TGFB3: variants seen among roughly 807,000 people sequenced by gnomAD.
TGFB3 encodes transforming growth factor beta-3 proprotein.
Under a neutral mutation model 40.1 loss-of-function variants are expected in TGFB3, and 5 were observed. That is an observed-to-expected ratio of 0.12 (90% confidence interval 0.07 to 0.26). The LOEUF (loss-of-function observed/expected upper bound fraction) is 0.26. Ranked by LOEUF, TGFB3 falls within the 10% of genes least tolerant of loss-of-function variation. TGFB3 has a pLI of 1.00. For missense variants in TGFB3, 373 were observed against 530.1 expected, an observed-to-expected ratio of 0.70 and a Z score of 2.91; for synonymous variants, 184 against 205.6, an observed-to-expected ratio of 0.89 and a Z score of 0.90.
chr14:75,979,847 T>G lies in TGFB3; in HGVS notation c.352+695A>C, dbSNP rs1435611580. Among the ~76,000 whole-genome samples, 4 of 152,148 alleles carry G rather than the reference T, an allele frequency of 2.6e-5. No individual in the cohort carries two copies. Among genetic ancestry groups the G allele is most frequent in the Non-Finnish European group, 5.9e-5 (4 of 68,026 alleles). On this transcript the variant is annotated intron_variant, in intron 1 of 6. Coordinates refer to ENST00000238682, the MANE Select transcript of TGFB3 (RefSeq NM_003239.5). This position sits in a 1 kb window ranked among gnomAD's most constrained non-coding sequence, Gnocchi z 4.8. ...CTGGAGGGCGCCCATTTTGAGCACA[T>G]GAATCTGTCTACTGCACAAGACTGC... is the stretch of plus-strand genomic sequence containing the variant.
chr14:75,960,779 A>G, intron 6 of TGFB3, 144 bp downstream of exon 6: 8 of 1,106,354 alleles, frequency 7.2e-6, no homozygotes, highest in Non-Finnish European at 1.0e-5. Context: ...TCAGGGTGCC[A>G]AGATCAGAAC....
rs372522994 is a variant in TGFB3, at chr14:75,960,627, T to C, written c.1080+296A>G. ...ACTTCAGTGTTCCTTGCCAGCCACATGCACATATCTCTGACATAGGGTAAC... is the reference window on the plus strand; with the variant it reads ...ACTTCAGTGTTCCTTGCCAGCCACACGCACATATCTCTGACATAGGGTAAC... On this transcript the variant is annotated intron_variant, in intron 6 of 6. Transcript: ENST00000238682. 3.2e-4 allele frequency among the ~76,000 whole-genome samples: 48 copies of C among 152,350 alleles called. No homozygotes were observed. The East Asian group carries it at 6.9e-3, about 22-fold the overall frequency.
rs2140253983 is a variant in TGFB3 at position 75,980,479 on chromosome 14, C to T, written c.352+63G>A. On this transcript the variant is annotated intron_variant, in intron 1 of 6. Coordinates refer to ENST00000238682, the MANE Select transcript of TGFB3 (RefSeq NM_003239.5). The surrounding 1 kb of genome is among the most constrained non-coding windows in gnomAD (Gnocchi z 4.3). ...GTGGCCAGCACTAGGCCCCCCTCTG[C>T]AGAGCTCCCAGCTCCAGTTCAGACC... The T allele has an allele frequency of 3.2e-6, 5 of 1,554,400 alleles. No individual in the cohort carries two copies. Among genetic ancestry groups the T allele is most frequent in the Middle Eastern group, 1.7e-4 (1 of 5,946 alleles).
Position 75,971,134 on chromosome 14 carries a change from A to G in TGFB3, c.638T>C (p.Leu213Ser), listed in dbSNP as rs1333389859. ...CTGAAGGGTCCACCTACCTCTTCTC[A>G]ACAGCCACTCACGCACAGTGTCAGT... ...DVTDTVREWL[L>S]RRESNLGLEI... The change falls in exon 3 of 7, where the codon TTG (leucine) becomes TCG (serine). Residue 213 changes from leucine (L) to serine (S), a missense_variant. Leu to Ser is a moderately radical substitution (Grantham distance 145). Coordinates refer to ENST00000238682, the MANE Select transcript of TGFB3 (RefSeq NM_003239.5). This position sits in a 1 kb window ranked among gnomAD's most constrained non-coding sequence, Gnocchi z 4.5. The G allele has an allele frequency of 6.2e-7, 1 of 1,613,936 alleles. No individual in the cohort carries two copies. The highest frequency in any genetic ancestry group is 1.3e-5 in the African/African-American group (1 of 74,924).
In TGFB3 at chr14:75,979,745, G is replaced by A. The variant is rs1038161994; in HGVS notation, c.352+797C>T. On this transcript the variant is annotated intron_variant, in intron 1 of 6. Transcript: ENST00000238682. This position sits in a 1 kb window ranked among gnomAD's most constrained non-coding sequence, Gnocchi z 4.8. The stretch of plus-strand genomic sequence containing the variant: ...CTGCCACCCCTCCACCCGCTCTCCC[G>A]TGACACGCAGACACAAAGGGCGCCA... 3.1e-5 allele frequency among the ~76,000 whole-genome samples: 3 copies of A among 96,990 alleles called. No individual in the cohort carries two copies. Among genetic ancestry groups the A allele is most frequent in the Admixed American group, 1.1e-4 (1 of 8,714 alleles). The allele number at this position is 96,990 out of a possible 152,430, so 63.6% of individuals were successfully genotyped here. A position where few individuals can be genotyped will look rare whatever the true frequency, so the allele number is the denominator to read the frequency against.
chr14:75,974,357 G>A (rs2035327744), intron 1 of TGFB3, among the ~76,000 whole-genome samples: 1 of 151,976 alleles, frequency 6.6e-6, no homozygotes, highest in African/African-American at 2.4e-5. Flanking sequence ...TCAAGAAAGA[G>A]GTGGGAAAGG....
intron 1 of TGFB3, among the ~76,000 whole-genome samples, chr14:75,976,357 G>A (rs1459728207): frequency 6.6e-6 from 1 of 152,134 alleles, no homozygotes; most frequent in Non-Finnish European, 1.5e-5. Flanking sequence ...CTAACGTGCA[G>A]CCAGGGTTGA....
intron 3 of TGFB3, among the ~76,000 whole-genome samples, chr14:75,967,714 C>G (rs755899376): frequency 4.6e-5 from 7 of 152,062 alleles, no homozygotes; most frequent in Non-Finnish European, 8.8e-5. Context: ...TATAATAATC[C>G]CATAGAGCAA....
At position 75,980,232 on chromosome 14, in the gene TGFB3, A is replaced by G. The variant is rs189597471; in HGVS notation, c.352+310T>C. On this transcript the variant is annotated intron_variant, in intron 1 of 6. Transcript: ENST00000238682. This position sits in a 1 kb window ranked among gnomAD's most constrained non-coding sequence, Gnocchi z 4.3. ...GATACGATCGCATGTGCAAGAATACATATGTTTCCCTGGACAGCACAATGT... is the reference window on the plus strand; with the variant it reads ...GATACGATCGCATGTGCAAGAATACGTATGTTTCCCTGGACAGCACAATGT... Among the ~76,000 whole-genome samples the G allele has an allele frequency of 2.4e-3, 366 of 152,318 alleles. 4 individuals carry two copies. The highest frequency in any genetic ancestry group is 8.2e-3 in the African/African-American group (342 of 41,576).
Position 75,980,987 on chromosome 14 carries a change from C to A in TGFB3, c.-94G>T. On this transcript the variant is annotated 5_prime_UTR_variant, in exon 1 of 7. Transcript: ENST00000238682. This position sits in a 1 kb window ranked among gnomAD's most constrained non-coding sequence, Gnocchi z 4.3. ...AGAAGGAGGGAGGAAAACCAGGCGG[C>A]CTCCCCAGATCCCAAAGACTGAGGC... The A allele has an allele frequency of 9.5e-6, 11 of 1,159,316 alleles. No homozygotes were observed. Among genetic ancestry groups the A allele is most frequent in the Admixed American group, 1.8e-5 (1 of 57,014 alleles). The allele number at this position is 1,159,316 out of a possible 1,614,324, so 71.8% of individuals were successfully genotyped here. A position where few individuals can be genotyped will look rare whatever the true frequency, so the allele number is the denominator to read the frequency against.
chr14:75,974,764 C>CAAAA (rs763057157), intron 1 of TGFB3, among the ~76,000 whole-genome samples: 4 of 110,718 alleles, frequency 3.6e-5, no homozygotes, highest in Non-Finnish European at 7.1e-5. Flanking sequence ...GACTCCATCT[C>CAAAA]AAAAAAAAAA....
At position 75,963,328 on chromosome 14, in the gene TGFB3, T is replaced by C. The variant is rs369281541; in HGVS notation, c.914A>G (p.Asn305Ser). 11 of 1,613,926 alleles carry C rather than the reference T, an allele frequency of 6.8e-6. No individual in the cohort carries two copies. Among genetic ancestry groups the C allele is most frequent in the African/African-American group, 4.0e-5 (3 of 74,902 alleles). ...GQRKKRALDT[N>S]YCFRNLEENC... Reference sequence around the variant, plus strand: ...GGCCCAGTCTCACCGGAAGCAGTAATTGGTGTCCAAAGCCCGCTTCTTCCT... The same window carrying C: ...GGCCCAGTCTCACCGGAAGCAGTAACTGGTGTCCAAAGCCCGCTTCTTCCT... Residue 305 changes from asparagine to serine, a missense_variant, in exon 5 of 7, where the codon AAT becomes AGT. Physicochemically the swap from Asn to Ser is conservative, Grantham distance 46. Coordinates refer to ENST00000238682, the MANE Select transcript of TGFB3 (RefSeq NM_003239.5).
At chr14:75,967,431 G>A (rs1333462122) in intron 3 of TGFB3, among the ~76,000 whole-genome samples, 6 of 152,210 alleles carry the variant, frequency 3.9e-5, no homozygotes, top group African/African-American at 1.2e-4. Flanking sequence ...CCTGGGTTAA[G>A]GCAGCTGGAA....
chr14:75,959,063 G>T lies in TGFB3; in HGVS notation c.*124C>A. The T allele has an allele frequency of 1.7e-6, 2 of 1,201,876 alleles. No individual in the cohort carries two copies. Among genetic ancestry groups the T allele is most frequent in the Non-Finnish European group, 2.5e-6 (2 of 813,148 alleles). The allele number at this position is 1,201,876 out of a possible 1,614,324, so 74.5% of individuals were successfully genotyped here. A position where few individuals can be genotyped will look rare whatever the true frequency, so the allele number is the denominator to read the frequency against. On this transcript the variant is annotated 3_prime_UTR_variant, in exon 7 of 7. Coordinates refer to ENST00000238682, the MANE Select transcript of TGFB3 (RefSeq NM_003239.5). ...AAGGAAACCTCCATCTCAGCCATTT[G>T]CCCGGAGCCGAAGGTTGTGGGCTCC... is the stretch of plus-strand genomic sequence containing the variant.
At chr14:75,977,161 G>A (rs1200074714) in intron 1 of TGFB3, among the ~76,000 whole-genome samples, 1 of 152,184 alleles carries the variant, frequency 6.6e-6, no homozygotes, top group Non-Finnish European at 1.5e-5. Context: ...AAAATATAGA[G>A]TTTTCTCTTT....
chr14:75,980,605 C>T lies in TGFB3; in HGVS notation c.289G>A (p.Glu97Lys), dbSNP rs769627183. 14 of 1,614,108 alleles carry T rather than the reference C, an allele frequency of 8.7e-6. No individual in the cohort carries two copies. Among genetic ancestry groups the T allele is most frequent in the South Asian group, 4.4e-5 (4 of 91,088 alleles). Residue 97 changes from glutamate (E) to lysine (K), a missense_variant, in exon 1 of 7, where the codon GAG becomes AAG. Transcript: ENST00000238682. The surrounding 1 kb of genome is among the most constrained non-coding windows in gnomAD (Gnocchi z 4.3). ...ATTTCTTTGGCATAGTATTCCGACT[C>T]GGTGTTTTCCTGGGTGCAGCCTTCC... ...REEGCTQENT[E>K]SEYYAKEIHK... is the part of the protein sequence containing the mutation.
chr14:75,979,298 C>A lies in TGFB3; in HGVS notation c.352+1244G>T, dbSNP rs143103327. 0.011 allele frequency among the ~76,000 whole-genome samples: 1,667 copies of A among 152,244 alleles called. 25 individuals are homozygous for A. Among genetic ancestry groups the A allele is most frequent in the Non-Finnish European group, 0.018 (1,221 of 68,012 alleles). ...ACCCACTCCTGTTCCTTCTCTCCAG[C>A]CAGGTTCCTTTCACCCCTTGCTGTG... is the stretch of plus-strand genomic sequence containing the variant. On this transcript the variant is annotated intron_variant, in intron 1 of 6. Transcript: ENST00000238682. The surrounding 1 kb of genome is among the most constrained non-coding windows in gnomAD (Gnocchi z 4.8).
chr14:75,981,217 G>C lies in TGFB3; in HGVS notation c.-324C>G. The C allele has an allele frequency of 2.4e-6, 1 of 419,036 alleles. No individual in the cohort carries two copies. Among genetic ancestry groups the C allele is most frequent in the Non-Finnish European group, 4.5e-6 (1 of 223,602 alleles). 26.0% of individuals were successfully genotyped at this position (419,036 alleles called of 1,614,324 possible). A position where few individuals can be genotyped will look rare whatever the true frequency, so the allele number is the denominator to read the frequency against. On this transcript the variant is annotated 5_prime_UTR_variant, in exon 1 of 7. Transcript: ENST00000238682. This position sits in a 1 kb window ranked among gnomAD's most constrained non-coding sequence, Gnocchi z 4.7. Reference sequence around the variant, plus strand: ...GAGGGCTGGGAGGGGTGGCAAGGCAGCTGGGAGTGGGAAGGGAGCTGGAGT... The same window carrying C: ...GAGGGCTGGGAGGGGTGGCAAGGCACCTGGGAGTGGGAAGGGAGCTGGAGT...
chr14:75,972,656 G>A (rs965353791), intron 1 of TGFB3, among the ~76,000 whole-genome samples: 1 of 152,176 alleles, frequency 6.6e-6, no homozygotes, highest in Admixed American at 6.5e-5. Context: ...GGGAGGAAAT[G>A]CAAATGAGTA....
Sources: allele counts gnomAD v4.1 joint callset (sites outside exome capture counted in the v4.1 genomes callset), GRCh38; gene constraint gnomAD v4.1.1; non-coding constraint Gnocchi (gnomAD v3.1); transcripts MANE v1.5; gene names NCBI Gene and HGNC (gene_info 2026-07-23, HGNC 2026-07-21).